CARMIL1: variants seen among roughly 807,000 people sequenced by gnomAD.
CARMIL1 encodes the protein capping protein regulator and myosin 1 linker 1.
CARMIL1 carries 90 observed loss-of-function variants against 177.1 expected under a neutral mutation model. The ratio of observed to expected loss-of-function variants is 0.51; its 90% confidence interval spans 0.43 to 0.61. The LOEUF (loss-of-function observed/expected upper bound fraction) is 0.61. Among genes scored for constraint, CARMIL1 ranks in the 20% least tolerant of loss-of-function variants. CARMIL1 has a pLI of 0.00. For missense variants in CARMIL1, 1,380 were observed against 1,667.0 expected (o/e 0.83, Z 3.00); for synonymous variants, 577 against 606.2 (o/e 0.95, Z 0.71).
chr6:25,283,364 A>G (rs1337104974), intron 1 of CARMIL1, among the ~76,000 whole-genome samples: 1 of 152,062 alleles, frequency 6.6e-6, no homozygotes, highest in African/African-American at 2.4e-5. Flanking sequence ...TCTTGGTGAG[A>G]GATTCTGAGG....
chr6:25,416,014 C>T lies in CARMIL1; in HGVS notation c.139-4100C>T, dbSNP rs547718269. On this transcript the variant is annotated intron_variant, in intron 2 of 36. Transcript: ENST00000329474. ...GGTGGGGAGCCAGTGAGGAGAGGCACAGATAGACTGAGAGGTACATACGTA... is the reference window on the plus strand; with the variant it reads ...GGTGGGGAGCCAGTGAGGAGAGGCATAGATAGACTGAGAGGTACATACGTA... Among the ~76,000 whole-genome samples the T allele has an allele frequency of 1.1e-4, 17 of 151,974 alleles. No individual in the cohort carries two copies. In the East Asian group the frequency reaches 3.1e-3, roughly 28 times the overall value.
chr6:25,289,147 G>A (rs188374913), intron 2 of CARMIL1, among the ~76,000 whole-genome samples: 63 of 152,274 alleles, frequency 4.1e-4, no homozygotes, highest in Middle Eastern at 6.8e-3. Context: ...CTGAGGAATG[G>A]TCCTTTAGCC....
chr6:25,489,233 AT>A (rs1802961598), intron 13 of CARMIL1, among the ~76,000 whole-genome samples: 1 of 152,182 alleles, frequency 6.6e-6, no homozygotes, highest in South Asian at 2.1e-4. Flanking sequence ...GGTAAGGAAG[AT>A]TGGGCACATT....
chr6:25,333,254 T>C (rs927491343), intron 2 of CARMIL1, among the ~76,000 whole-genome samples: 3 of 152,178 alleles, frequency 2.0e-5, no homozygotes, highest in Non-Finnish European at 2.9e-5. Context: ...GCAGAACTTT[T>C]CAGATGAGCC....
chr6:25,614,751 G>A (rs1816763075), intron 36 of CARMIL1, among the ~76,000 whole-genome samples: 1 of 152,152 alleles, frequency 6.6e-6, no homozygotes, highest in African/African-American at 2.4e-5. Flanking sequence ...AAAAAGAGAC[G>A]CTCCCTGCTA....
intron 33 of CARMIL1, among the ~76,000 whole-genome samples, chr6:25,603,393 AGCTTT>A (rs1291455387): frequency 1.3e-5 from 2 of 152,134 alleles, no homozygotes; most frequent in South Asian, 2.1e-4. Flanking sequence ...ATGACAGTGG[AGCTTT>A]TGTCATCTTC....
chr6:25,568,271 C>T (rs1811735271), intron 29 of CARMIL1, among the ~76,000 whole-genome samples: 1 of 152,106 alleles, frequency 6.6e-6, no homozygotes, highest in Non-Finnish European at 1.5e-5. Flanking sequence ...ATTTGAGAAA[C>T]TATTTTAGGC....
chr6:25,371,094 C>T (rs1284085239), intron 2 of CARMIL1, among the ~76,000 whole-genome samples: 2 of 152,180 alleles, frequency 1.3e-5, no homozygotes, highest in African/African-American at 4.8e-5. Flanking sequence ...AAAGATATTT[C>T]ATTCTGTTTT....
chr6:25,401,283 C>T (rs1042618345), intron 2 of CARMIL1, among the ~76,000 whole-genome samples: 10 of 151,820 alleles, frequency 6.6e-5, no homozygotes, highest in African/African-American at 2.2e-4. Flanking sequence ...TATACACAAA[C>T]ACACACACAC....
chr6:25,537,833 G>A (rs1389359694), intron 24 of CARMIL1, 22 bp from the exon 25 acceptor site: 3 of 1,609,246 alleles, frequency 1.9e-6, no homozygotes, highest in Non-Finnish European at 2.5e-6. Flanking sequence ...TTGGATGCTT[G>A]CCTTTTTCTG....
chr6:25,347,933 G>T (rs948831386), intron 2 of CARMIL1, among the ~76,000 whole-genome samples: 6 of 152,180 alleles, frequency 3.9e-5, no homozygotes, highest in Non-Finnish European at 8.8e-5. Context: ...AGGAGGTTAA[G>T]TTAATGCTGT....
At chr6:25,446,507 AAG>A (rs1798249274) in intron 5 of CARMIL1, among the ~76,000 whole-genome samples, 1 of 152,204 alleles carries the variant, frequency 6.6e-6, no homozygotes, top group Non-Finnish European at 1.5e-5. Context: ...GATAGAATTG[AAG>A]AGAGTTAAAG....
intron 2 of CARMIL1, among the ~76,000 whole-genome samples, chr6:25,409,291 A>G (rs975358590): frequency 6.6e-6 from 1 of 152,194 alleles, no homozygotes; most frequent in Admixed American, 6.5e-5. Flanking sequence ...CTGTCTCTGT[A>G]GGTCTCACAC....
rs1260860195 is a variant in CARMIL1 at position 25,556,825 on chromosome 6, G to T, written c.2717G>T (p.Arg906Leu). 1 of 1,613,178 alleles carries T rather than the reference G, an allele frequency of 6.2e-7. No homozygotes were observed. Among genetic ancestry groups the T allele is most frequent in the Middle Eastern group, 1.7e-4 (1 of 6,050 alleles). Residue 906 changes from arginine to leucine, a missense_variant, in exon 29 of 37, where the codon CGT (arginine) becomes CTT (leucine). Arg to Leu is a moderately radical substitution (Grantham distance 102, BLOSUM62 -2). Coordinates refer to ENST00000329474, the MANE Select transcript of CARMIL1 (RefSeq NM_017640.6). The stretch of plus-strand genomic sequence containing the variant: ...GTGGAGGAGCTAACAGAGATAGAGC[G>T]TTTGGAAGATCTGGATACCTGTATG... The part of the protein sequence containing the change: ...ITVEELTEIE[R>L]LEDLDTCMMT...
chr6:25,593,466 GTAT>G (rs1194824620), intron 31 of CARMIL1, among the ~76,000 whole-genome samples: 1 of 152,092 alleles, frequency 6.6e-6, no homozygotes, highest in Non-Finnish European at 1.5e-5. Flanking sequence ...ATGGGTTATT[GTAT>G]TATTAGTTGG....
rs150155837 is a variant in CARMIL1 at position 25,397,804 on chromosome 6, C to T, written c.139-22310C>T. Reference sequence around the variant, plus strand: ...ATTCCATCACTCAGCTTAATTTTCTCGGGGAATACATGAAACGTGAAATCT... The same window carrying T: ...ATTCCATCACTCAGCTTAATTTTCTTGGGGAATACATGAAACGTGAAATCT... On this transcript the variant is annotated intron_variant, in intron 2 of 36. Transcript: ENST00000329474. Among the ~76,000 whole-genome samples, 29 of 152,178 alleles carry T rather than the reference C, an allele frequency of 1.9e-4. No homozygotes were observed. In the East Asian group the frequency reaches 4.8e-3, roughly 25 times the overall value.
intron 2 of CARMIL1, among the ~76,000 whole-genome samples, chr6:25,311,067 A>T (rs1192012534): frequency 1.0e-5 from 1 of 97,222 alleles, no homozygotes; most frequent in Admixed American, 9.7e-5. Flanking sequence ...CTGTAATACC[A>T]GCCACTCGGG....
At chr6:25,407,102 C>A (rs13217807) in intron 2 of CARMIL1, among the ~76,000 whole-genome samples, 1 of 151,898 alleles carries the variant, frequency 6.6e-6, no homozygotes, top group African/African-American at 2.4e-5. Flanking sequence ...ATTGGCACCT[C>A]AAGCAGGAGA....
chr6:25,589,591 G>A (rs1450562046), intron 31 of CARMIL1, among the ~76,000 whole-genome samples: 1 of 152,086 alleles, frequency 6.6e-6, no homozygotes, highest in Non-Finnish European at 1.5e-5. Flanking sequence ...AGGCCCAAGT[G>A]ATCCTCCCAC....
Sources: allele counts gnomAD v4.1 joint callset (sites outside exome capture counted in the v4.1 genomes callset), GRCh38; gene constraint gnomAD v4.1.1; transcripts MANE v1.5; gene names NCBI Gene and HGNC (gene_info 2026-07-23, HGNC 2026-07-21).